Variants in ADA2 observed in about 807,000 individuals in gnomAD.
ADA2 encodes adenosine deaminase 2, also known as adenosine deaminase CECR1.
In ADA2, 29 loss-of-function variants were observed where a neutral mutation model predicts 44.2. The ratio of observed to expected loss-of-function variants is 0.66; its 90% CI spans 0.49 to 0.89. The LOEUF is 0.89. Among genes scored for constraint, ADA2 ranks in the 40% least tolerant of loss-of-function variants. The pLI, the probability that ADA2 is intolerant of heterozygous loss-of-function variation, is 0.00. For synonymous variants in ADA2, 215 were observed against 234.9 expected (o/e 0.92, Z 0.77); for missense variants, 637 against 644.8 (o/e 0.99, Z 0.13).
chr22:17,207,208 G>A lies in ADA2; in HGVS notation c.405C>T (p.His135=), dbSNP rs1190168074. 2.5e-6 allele frequency: 4 copies of A among 1,614,196 alleles called. No homozygotes were observed. Among genetic ancestry groups the A allele is most frequent in the South Asian group, 2.2e-5 (2 of 91,090 alleles). ...TGATCCCCCTTGGGGTGAAACAGAT[G>A]TGGCAGTGAGGCCTGTAGGTGACAT... The part of the protein sequence containing the change: ...VRNVTYRPHC[H]ICFTPRGIMQ... Residue 135 remains histidine, a synonymous_variant, in exon 3 of 10, where the codon CAC becomes CAT. Transcript: ENST00000399837.
chr22:17,210,467 G>A (rs1161164173), intron 1 of ADA2, among the ~76,000 whole-genome samples: 2 of 152,172 alleles, frequency 1.3e-5, no homozygotes, highest in Non-Finnish European at 2.9e-5. Flanking sequence ...TGGGATTACA[G>A]GCATGAGTCA....
At chr22:17,208,598 T>C (rs2062381987) in intron 2 of ADA2, among the ~76,000 whole-genome samples, 1 of 151,748 alleles carries the variant, frequency 6.6e-6, no homozygotes, top group African/African-American at 2.4e-5. Context: ...AGCTCAGGTG[T>C]TCGAGATCAG....
chr22:17,182,470 CAG>C (rs768330810), intron 8 of ADA2, 132 bp downstream of exon 8: 28 of 897,470 alleles, frequency 3.1e-5, no homozygotes, highest in African/African-American at 3.0e-4. Flanking sequence ...ACTTTACTAA[CAG>C]GGGTAGGAGA....
intron 4 of ADA2, 73 bp from the exon 5 acceptor site, chr22:17,191,883 C>G (rs1023021379): frequency 1.1e-4 from 161 of 1,472,384 alleles, no homozygotes; most frequent in Non-Finnish European, 1.3e-4. Flanking sequence ...GCCACCCCTG[C>G]CCAGCCACCC....
intron 1 of ADA2, among the ~76,000 whole-genome samples, chr22:17,215,983 T>C (rs1211919430): frequency 6.6e-6 from 1 of 151,696 alleles, no homozygotes; most frequent in Non-Finnish European, 1.5e-5. Flanking sequence ...GGTCAGGAGT[T>C]CGAGACCAGC....
At chr22:17,188,701 A>C (rs1273242936) in intron 6 of ADA2, 1 of 256,266 alleles carries the variant, frequency 3.9e-6, no homozygotes, top group Admixed American at 5.3e-5. Flanking sequence ...AACACAGTGA[A>C]ACCCCATCTC....
chr22:17,188,380 T>A lies in ADA2; in HGVS notation c.1040A>T (p.Asp347Val), dbSNP rs2123633820. ...YKEALMIPAKDGVKLPYFFHA... is the reference protein window; with the variant it reads ...YKEALMIPAKVGVKLPYFFHA... ...GAAGAAGTAAGGCAGCTTAACGCCA[T>A]CCTTGGCGGGGATCATCAGAGCTTC... is the stretch of plus-strand genomic sequence containing the variant. The change falls in exon 7 of 10, where the codon GAT becomes GTT. Residue 347 changes from aspartate to valine, a missense_variant. Coordinates refer to ENST00000399837, the MANE Select transcript of ADA2 (RefSeq NM_001282225.2). The A allele has an allele frequency of 6.2e-7, 1 of 1,614,118 alleles. No homozygotes were observed. Among genetic ancestry groups the A allele is most frequent in the Non-Finnish European group, 8.5e-7 (1 of 1,179,980 alleles).
intron 6 of ADA2, among the ~76,000 whole-genome samples, chr22:17,189,524 T>C (rs922090370): frequency 6.6e-6 from 1 of 152,104 alleles, no homozygotes; most frequent in Non-Finnish European, 1.5e-5. Context: ...TTTCCAGACA[T>C]TACCCCCCAG....
chr22:17,188,510 G>T (rs566686180), intron 6 of ADA2, 63 bp from the exon 7 acceptor site: 3 of 1,111,434 alleles, frequency 2.7e-6, no homozygotes, highest in Non-Finnish European at 4.1e-6. Flanking sequence ...CTGATGGCGC[G>T]CCCTGGAGCC....
Position 17,188,101 on chromosome 22 carries a change from A to G in ADA2, c.1081+238T>C, listed in dbSNP as rs1471705557. On this transcript the variant is annotated intron_variant, in intron 7 of 9. Coordinates refer to ENST00000399837, the MANE Select transcript of ADA2 (RefSeq NM_001282225.2). ...AAAAAAAGAAAAAAAAAGAAGAAGA[A>G]GAAAAGAAAACAGGAAGGAAAGAAG... 5.6e-5 allele frequency among the ~76,000 whole-genome samples: 5 copies of G among 88,676 alleles called. No homozygotes were observed. In the South Asian group the frequency reaches 1.3e-3, roughly 24 times the overall value. The allele number at this position is 88,676 out of a possible 152,430, so 58.2% of individuals were successfully genotyped here.
intron 7 of ADA2, among the ~76,000 whole-genome samples, chr22:17,184,371 G>A (rs974798506): frequency 6.6e-6 from 1 of 152,074 alleles, no homozygotes; most frequent in East Asian, 1.9e-4. Flanking sequence ...GGACTGGGAG[G>A]TTATTTGTTG....
intron 9 of ADA2, 57 bp downstream of exon 9, chr22:17,181,763 A>G: frequency 6.7e-7 from 1 of 1,486,776 alleles, no homozygotes; most frequent in South Asian, 1.1e-5. Context: ...CAGAGAGGCA[A>G]ACACAAGCTG....
chr22:17,199,638 G>A lies in ADA2; in HGVS notation c.753+3925C>T, dbSNP rs1359671654. ...GCTCTCTGGGATCGCCATTTGAGGT[G>A]GGCGTGGCTATTAGGACGCTCAGAG... On this transcript the variant is annotated intron_variant, in intron 4 of 9. Coordinates refer to ENST00000399837, the MANE Select transcript of ADA2 (RefSeq NM_001282225.2). 5 of 1,613,602 alleles carry A rather than the reference G, an allele frequency of 3.1e-6. No homozygotes were observed. In the African/African-American group the frequency reaches 5.3e-5, roughly 17 times the overall value.
intron 1 of ADA2, among the ~76,000 whole-genome samples, chr22:17,218,580 GGT>G (rs1224343537): frequency 1.3e-5 from 2 of 151,866 alleles, no homozygotes; most frequent in African/African-American, 4.8e-5. Context: ...CTGTCTCCCT[GGT>G]GACACATAAC....
intron 5 of ADA2, 99 bp from the exon 6 acceptor site, chr22:17,190,131 G>T: frequency 1.1e-6 from 1 of 947,508 alleles, no homozygotes; most frequent in Non-Finnish European, 1.7e-6. Flanking sequence ...AGCCCCAAGT[G>T]TGCAGGTCCC....
chr22:17,181,271 G>T lies in ADA2; in HGVS notation c.*212C>A. On this transcript the variant is annotated 3_prime_UTR_variant, in exon 10 of 10. Transcript: ENST00000399837. ...AGGGAAACTGGAAGAAATGGCCAGA[G>T]ACAGGAGAAAACCAAGAGGGTCAAT... The T allele has an allele frequency of 1.8e-6, 1 of 555,676 alleles. No homozygotes were observed. Among genetic ancestry groups the T allele is most frequent in the Non-Finnish European group, 3.2e-6 (1 of 309,082 alleles). The allele number at this position is 555,676 out of a possible 1,614,324, so 34.4% of individuals were successfully genotyped here. A position where few individuals can be genotyped will look rare whatever the true frequency, so the allele number is the denominator to read the frequency against.
intron 1 of ADA2, among the ~76,000 whole-genome samples, chr22:17,217,516 G>A (rs1463447543): frequency 2.6e-5 from 4 of 152,150 alleles, no homozygotes; most frequent in Non-Finnish European, 5.9e-5. Context: ...CTTTACCTGG[G>A]TTATCTATTT....
intron 4 of ADA2, among the ~76,000 whole-genome samples, chr22:17,192,701 G>A (rs2062134013): frequency 6.6e-6 from 1 of 152,084 alleles, no homozygotes; most frequent in African/African-American, 2.4e-5. Context: ...GGTGGCACAT[G>A]CCTGTTAATC....
intron 1 of ADA2, among the ~76,000 whole-genome samples, chr22:17,212,350 C>T (rs867499282): frequency 8.6e-5 from 13 of 151,972 alleles, no homozygotes; most frequent in Middle Eastern, 3.4e-3. Flanking sequence ...CTGCAATCTC[C>T]GTCTCCCTGG....
Sources: allele counts gnomAD v4.1 joint callset (sites outside exome capture counted in the v4.1 genomes callset), GRCh38; gene constraint gnomAD v4.1.1; transcripts MANE v1.5; gene names NCBI Gene and HGNC (gene_info 2026-07-23, HGNC 2026-07-21).